INVS: variants seen among roughly 807,000 people sequenced by gnomAD.
INVS encodes inversion of embryo turning homolog.
INVS carries 86 observed loss-of-function variants against 108.8 expected under a neutral mutation model. The ratio of observed to expected loss-of-function variants is 0.79; its 90% confidence interval spans 0.66 to 0.95. INVS has a LOEUF of 0.95. Ranked by LOEUF, INVS falls within the 40% of genes least tolerant of loss-of-function variation. INVS has a pLI of 0.00. For synonymous variants in INVS, 455 were observed against 473.5 expected, an observed-to-expected ratio of 0.96 and a Z score of 0.51; for missense variants, 1,169 against 1,297.4, an observed-to-expected ratio of 0.90 and a Z score of 1.52.
chr9:100,284,573 T>A lies in INVS; in HGVS notation c.2038T>A (p.Leu680Met), dbSNP rs1277368819. 6.2e-7 allele frequency: 1 copy of A among 1,613,648 alleles called. No homozygotes were observed. Among genetic ancestry groups the A allele is most frequent in the African/African-American group, 1.3e-5 (1 of 74,940 alleles). The change falls in exon 13 of 17, where the codon TTG becomes ATG. Residue 680 changes from leucine to methionine, a missense_variant. Transcript: ENST00000262457. ...GAAGGAGCAGCATGTTTCCTCAGAT[T>A]TGCAGGGAACAAACTCCAGAAGGCC... ...LQKEQHVSSD[L>M]QGTNSRRPNE...
intron 1 of INVS, among the ~76,000 whole-genome samples, chr9:100,100,855 AT>A (rs1826899201): frequency 8.4e-5 from 1 of 11,854 alleles, no homozygotes; most frequent in Admixed American, 2.2e-3. Flanking sequence ...TAATATATGT[AT>A]ATATAATATA....
intron 3 of INVS, among the ~76,000 whole-genome samples, chr9:100,139,656 G>T (rs1204930598): frequency 1.3e-5 from 2 of 151,444 alleles, no homozygotes; most frequent in African/African-American, 2.4e-5. Flanking sequence ...CTTTTTTTGT[G>T]GGGGGAGATA....
intron 12 of INVS, among the ~76,000 whole-genome samples, chr9:100,278,416 G>C (rs2118696488): frequency 6.6e-6 from 1 of 151,892 alleles, no homozygotes; most frequent in African/African-American, 2.4e-5. Flanking sequence ...TCCTCCCATA[G>C]CCCTATATAG....
chr9:100,198,285 T>C (rs1830439495), intron 3 of INVS, among the ~76,000 whole-genome samples: 1 of 45,796 alleles, frequency 2.2e-5, no homozygotes, highest in Non-Finnish European at 5.2e-5. Context: ...TTTTTTTTTT[T>C]TTTTTTTTTT....
intron 16 of INVS, chr9:100,298,423 A>T (rs1833854250): frequency 1.4e-6 from 1 of 720,516 alleles, no homozygotes; most frequent in Non-Finnish European, 1.7e-6. Context: ...TGTACAGCCC[A>T]GGCTCAGCTG....
chr9:100,188,635 CT>C (rs11309021), intron 3 of INVS, among the ~76,000 whole-genome samples: 24,696 of 128,132 alleles, frequency 0.19, 2,982 homozygotes, highest in African/African-American at 0.41. Context: ...TAGTTTCTTT[CT>C]TTTTTTTTTT....
chr9:100,243,235 C>T (rs752302769), intron 7 of INVS, among the ~76,000 whole-genome samples: 2 of 152,146 alleles, frequency 1.3e-5, no homozygotes, highest in Non-Finnish European at 2.9e-5. Flanking sequence ...AGAACAATCT[C>T]GGCTAGAATC....
At chr9:100,244,477 A>G (rs1438693055) in intron 7 of INVS, among the ~76,000 whole-genome samples, 2 of 152,176 alleles carry the variant, frequency 1.3e-5, no homozygotes, top group African/African-American at 2.4e-5. Context: ...CAAATTTAAT[A>G]TATATATACA....
intron 3 of INVS, among the ~76,000 whole-genome samples, chr9:100,129,373 G>A (rs1452888155): frequency 2.0e-5 from 3 of 151,136 alleles, no homozygotes; most frequent in African/African-American, 7.3e-5. Context: ...TCGTGAGCAC[G>A]TGTACTCCCA....
intron 1 of INVS, chr9:100,101,832 T>C (rs1327276084): frequency 6.6e-6 from 1 of 152,200 alleles, no homozygotes; most frequent in Admixed American, 6.5e-5. Flanking sequence ...TAAGTACATA[T>C]GCTTGAGTTT....
Position 100,100,811 on chromosome 9 carries a change from A to T in INVS, c.-25+1395A>T, listed in dbSNP as rs371444637. ...TTATATATATAATATATGTATATAT[A>T]ATATATATAATATATGTATATATAA... On this transcript the variant is annotated intron_variant, in intron 1 of 16. Transcript: ENST00000262457. Among the ~76,000 whole-genome samples, 12 of 13,206 alleles carry T rather than the reference A, an allele frequency of 9.1e-4. 1 individual carries two copies. Among genetic ancestry groups the T allele is most frequent in the South Asian group, 4.4e-3 (2 of 458 alleles). The allele number at this position is 13,206 out of a possible 152,430, so 8.7% of individuals were successfully genotyped here.
chr9:100,100,675 CATATA>C (rs1454463701), intron 1 of INVS, among the ~76,000 whole-genome samples: 1 of 19,542 alleles, frequency 5.1e-5, no homozygotes, highest in Admixed American at 1.0e-3. Context: ...TATATATGTA[CATATA>C]ATATATATAT....
intron 3 of INVS, among the ~76,000 whole-genome samples, chr9:100,163,440 A>G (rs1481012527): frequency 6.6e-6 from 1 of 152,178 alleles, no homozygotes; most frequent in Non-Finnish European, 1.5e-5. Flanking sequence ...GCACCTACTA[A>G]TCATAAGGTA....
chr9:100,272,152 G>T (rs1228091345), intron 11 of INVS, among the ~76,000 whole-genome samples: 1 of 152,220 alleles, frequency 6.6e-6, no homozygotes, highest in African/African-American at 2.4e-5. Context: ...ACAGGCGTGA[G>T]CCTCTGCGCC....
chr9:100,208,930 C>T (rs1053607141), intron 3 of INVS, among the ~76,000 whole-genome samples: 1 of 152,100 alleles, frequency 6.6e-6, no homozygotes, highest in Non-Finnish European at 1.5e-5. Flanking sequence ...GTTGAGTACT[C>T]GCTGTGCACT....
rs746571523 is a variant in INVS at position 100,252,343 on chromosome 9, A to G, written c.1139A>G (p.Asn380Ser). 7 of 1,613,926 alleles carry G rather than the reference A, an allele frequency of 4.3e-6. No individual in the cohort carries two copies. The African/African-American group carries it at 8.0e-5, about 18-fold the overall frequency. Reference protein sequence around the residue: ...VSTVKLLLENNAQVDATDVMK... With the variant: ...VSTVKLLLENSAQVDATDVMK... ...ACCGTGAAGTTATTACTGGAAAATA[A>G]TGCTCAAGTAGATGCTACTGATGTT... The change falls in exon 9 of 17, where the codon AAT (asparagine) becomes AGT (serine). Residue 380 changes from asparagine to serine, a missense_variant. Around this residue, in one of 3 missense-constraint regions of INVS, gnomAD observed 271 missense variants for 363.8 expected, o/e 0.74. Coordinates refer to ENST00000262457, the MANE Select transcript of INVS (RefSeq NM_014425.5).
At chr9:100,213,630 G>A (rs1204649749) in intron 3 of INVS, among the ~76,000 whole-genome samples, 3 of 152,144 alleles carry the variant, frequency 2.0e-5, no homozygotes, top group Non-Finnish European at 4.4e-5. Context: ...ATAGATACGA[G>A]ACTCCGCAGT....
chr9:100,150,913 G>A (rs1319852966), intron 3 of INVS, among the ~76,000 whole-genome samples: 2 of 152,074 alleles, frequency 1.3e-5, no homozygotes, highest in Non-Finnish European at 2.9e-5. Context: ...AAAGTGAGGG[G>A]GATTAAGAGA....
At chr9:100,176,011 T>C in intron 3 of INVS, 1 of 541,912 alleles carries the variant, frequency 1.8e-6, no homozygotes, top group Admixed American at 1.9e-5. Context: ...AAACCATAGA[T>C]TTATTCCTAA....
Sources: allele counts gnomAD v4.1 joint callset (sites outside exome capture counted in the v4.1 genomes callset), GRCh38; gene constraint gnomAD v4.1.1; regional missense constraint gnomAD v4.1.1; transcripts MANE v1.5; gene names NCBI Gene and HGNC (gene_info 2026-07-23, HGNC 2026-07-21).